Variants in PRKG2 observed in about 807,000 individuals in gnomAD.
The protein encoded by PRKG2 is protein kinase cGMP-dependent 2, also known as cGMP-dependent protein kinase 2.
Under a neutral mutation model 97.2 loss-of-function variants are expected in PRKG2, and 33 were observed. The ratio of observed to expected loss-of-function variants is 0.34; its 90% CI spans 0.26 to 0.45. The LOEUF is 0.45. Among genes scored for constraint, PRKG2 ranks in the 20% least tolerant of loss-of-function variants. The probability of loss-of-function intolerance (pLI) is 1.00; values close to 1 mark genes in which losing one functional copy is unlikely to be tolerated. For missense variants in PRKG2, 638 were observed against 900.0 expected, an observed-to-expected ratio of 0.71 and a Z score of 3.73; for synonymous variants, 330 against 321.8, an observed-to-expected ratio of 1.03 and a Z score of -0.27.
At chr4:81,190,255 G>A (rs1015840182) in intron 2 of PRKG2, among the ~76,000 whole-genome samples, 1 of 152,084 alleles carries the variant, frequency 6.6e-6, no homozygotes, top group South Asian at 2.1e-4. Flanking sequence ...ACAGAACAGA[G>A]GCCTCAGAAA....
intron 17 of PRKG2, among the ~76,000 whole-genome samples, chr4:81,101,788 A>C (rs1264500237): frequency 6.6e-6 from 1 of 152,040 alleles, no homozygotes; most frequent in Non-Finnish European, 1.5e-5. Flanking sequence ...TTCTCTAAGA[A>C]AAAAAAAGTT....
Position 81,167,092 on chromosome 4 carries a change from G to A in PRKG2, c.912+69C>T. 4.8e-6 allele frequency: 5 copies of A among 1,044,756 alleles called. No homozygotes were observed. In the South Asian group the frequency reaches 6.3e-5, roughly 13 times the overall value. 64.7% of individuals were successfully genotyped at this position (1,044,756 alleles called of 1,614,324 possible). A position where few individuals can be genotyped will look rare whatever the true frequency, so the allele number is the denominator to read the frequency against. On this transcript the variant is annotated intron_variant, in intron 6 of 18. Transcript: ENST00000264399. ...CTCTGACATCTTTTTATTTATTTAT[G>A]GTGTTAATAATATAAGTACATTCTA...
rs531382200 is a variant in PRKG2, at chr4:81,201,627, A to G, written c.461+2960T>C. On this transcript the variant is annotated intron_variant, in intron 2 of 18. Transcript: ENST00000264399. ...AAGAGGCTCACTCACCACTTATGATATATCTAAGCACAGGTACCTTAGCAA... is the reference window on the plus strand; with the variant it reads ...AAGAGGCTCACTCACCACTTATGATGTATCTAAGCACAGGTACCTTAGCAA... Among the ~76,000 whole-genome samples the G allele has an allele frequency of 2.0e-5, 3 of 152,326 alleles. No homozygotes were observed. The East Asian group carries it at 5.8e-4, about 29-fold the overall frequency.
At chr4:81,120,661 TGTAA>T (rs1013042274) in intron 14 of PRKG2, among the ~76,000 whole-genome samples, 1 of 152,250 alleles carries the variant, frequency 6.6e-6, no homozygotes, top group Non-Finnish European at 1.5e-5. Flanking sequence ...GCAACCTTGC[TGTAA>T]GTGCTTTTTA....
chr4:81,092,345 C>T (rs1328095834), intron 18 of PRKG2, 41 bp downstream of exon 18: 1 of 1,347,704 alleles, frequency 7.4e-7, no homozygotes, highest in Non-Finnish European at 1.0e-6. Context: ...AAAACAAATC[C>T]CTGGGAAAAA....
chr4:81,170,685 C>G (rs1319802442), intron 4 of PRKG2, among the ~76,000 whole-genome samples: 1 of 151,524 alleles, frequency 6.6e-6, no homozygotes, highest in African/African-American at 2.4e-5. Context: ...CAGAAGGAAA[C>G]CCAAGATTGC....
chr4:81,114,751 C>T lies in PRKG2; in HGVS notation c.1777-4140G>A, dbSNP rs534902947. Among the ~76,000 whole-genome samples, 6 of 152,266 alleles carry T rather than the reference C, an allele frequency of 3.9e-5. 1 individual carries two copies. In the South Asian group the frequency reaches 1.2e-3, roughly 32 times the overall value. On this transcript the variant is annotated intron_variant, in intron 14 of 18. Coordinates refer to ENST00000264399, the MANE Select transcript of PRKG2 (RefSeq NM_006259.3). ...ACCAACACAGAAGCCTTCTGTCTTCCTCCCACAGTGCCCTCTTGCTCACTG... is the reference window on the plus strand; with the variant it reads ...ACCAACACAGAAGCCTTCTGTCTTCTTCCCACAGTGCCCTCTTGCTCACTG...
chr4:81,087,631 T>C lies in PRKG2; in HGVS notation c.*2077A>G, dbSNP rs1741226589. Reference sequence around the variant, plus strand: ...ACAAACCTCTAAGTAAATATTACTTTACTCTGCCTTTTTCTATGAATGAGA... The same window carrying C: ...ACAAACCTCTAAGTAAATATTACTTCACTCTGCCTTTTTCTATGAATGAGA... On this transcript the variant is annotated 3_prime_UTR_variant, in exon 19 of 19. Coordinates refer to ENST00000264399, the MANE Select transcript of PRKG2 (RefSeq NM_006259.3). 6.6e-6 allele frequency: 1 copy of C among 152,260 alleles called. No homozygotes were observed. Among genetic ancestry groups the C allele is most frequent in the East Asian group, 1.9e-4 (1 of 5,180 alleles). 9.4% of individuals were successfully genotyped at this position (152,260 alleles called of 1,614,324 possible). A position where few individuals can be genotyped will look rare whatever the true frequency, so the allele number is the denominator to read the frequency against.
intron 17 of PRKG2, among the ~76,000 whole-genome samples, chr4:81,092,782 T>C (rs1212378607): frequency 1.3e-5 from 2 of 152,174 alleles, no homozygotes; most frequent in Non-Finnish European, 2.9e-5. Context: ...ATTCTTCCAG[T>C]TGCTCAAACC....
chr4:81,184,690 C>T (rs368691053), intron 2 of PRKG2, among the ~76,000 whole-genome samples: 1 of 152,056 alleles, frequency 6.6e-6, no homozygotes, highest in South Asian at 2.1e-4. Context: ...TAACAAAATC[C>T]TCTGAGATAA....
intron 15 of PRKG2, among the ~76,000 whole-genome samples, chr4:81,109,339 G>A (rs912763338): frequency 6.6e-6 from 1 of 152,160 alleles, no homozygotes; most frequent in African/African-American, 2.4e-5. Context: ...ACTCGTTCTA[G>A]TATTTCTTAA....
chr4:81,101,176 G>C (rs1742718249), intron 17 of PRKG2, among the ~76,000 whole-genome samples: 1 of 151,744 alleles, frequency 6.6e-6, no homozygotes, highest in African/African-American at 2.4e-5. Context: ...CAGGGATCTA[G>C]AACTAGAAAT....
At position 81,174,830 on chromosome 4, in the gene PRKG2, C is replaced by T. The variant is rs150237855; in HGVS notation, c.591G>A (p.Lys197=). 1.3e-5 allele frequency: 21 copies of T among 1,612,924 alleles called. No homozygotes were observed. Among genetic ancestry groups the T allele is most frequent in the Non-Finnish European group, 1.7e-6 (2 of 1,179,376 alleles). The change falls in exon 3 of 19, where the codon AAG becomes AAA. Residue 197 remains lysine (K), a synonymous_variant. Transcript: ENST00000264399. ...RNYQQGSYII[K]QGEPGNHIFV... Reference sequence around the variant, plus strand: ...AGATATGGTTTCCTGGTTCTCCTTGCTTAATAATGTAACTCCCTTGCTGAT... The same window carrying T: ...AGATATGGTTTCCTGGTTCTCCTTGTTTAATAATGTAACTCCCTTGCTGAT...
At chr4:81,182,609 C>G (rs907726125) in intron 2 of PRKG2, among the ~76,000 whole-genome samples, 1 of 151,942 alleles carries the variant, frequency 6.6e-6, no homozygotes, top group African/African-American at 2.4e-5. Flanking sequence ...AAAAAGTAAA[C>G]TGTATTCTTT....
In PRKG2 at chr4:81,092,462, G is replaced by GGGAAAGGAAGGA; in HGVS notation, c.2127-11_2127-10insTCCTTCCTTTCC. 9.4e-7 allele frequency: 1 copy of GGGAAAGGAAGGA among 1,063,792 alleles called. No homozygotes were observed. The highest frequency in any genetic ancestry group is 1.7e-5 in the South Asian group (1 of 59,568). 65.9% of individuals were successfully genotyped at this position (1,063,792 alleles called of 1,614,324 possible). On this transcript the variant is annotated splice_polypyrimidine_tract_variant and intron_variant, in intron 17 of 18. Transcript: ENST00000264399. ...AAAACCATTTAACCACCTGAGAAAT[G>GGGAAAGGAAGGA]AGAAAGGAAGGAAGGAAGGAAGGAA...
At chr4:81,116,958 G>A (rs898480170) in intron 14 of PRKG2, among the ~76,000 whole-genome samples, 1 of 130,002 alleles carries the variant, frequency 7.7e-6, no homozygotes, top group Non-Finnish European at 1.7e-5. Flanking sequence ...TCTCCCATCT[G>A]TAGGTTATCT....
At chr4:81,191,604 A>G (rs972704601) in intron 2 of PRKG2, among the ~76,000 whole-genome samples, 4 of 152,172 alleles carry the variant, frequency 2.6e-5, no homozygotes, top group Non-Finnish European at 5.9e-5. Context: ...AAAATAAAAA[A>G]AGAATTCTGG....
upstream of PRKG2, among the ~76,000 whole-genome samples, chr4:81,217,199 T>A (rs1754311770): frequency 6.6e-6 from 1 of 151,796 alleles, no homozygotes; most frequent in Non-Finnish European, 1.5e-5. Context: ...AAACAATGGG[T>A]TGCTAATTAA....
upstream of PRKG2, among the ~76,000 whole-genome samples, chr4:81,217,053 A>ATG (rs1289899788): frequency 4.5e-5 from 6 of 133,564 alleles, no homozygotes; most frequent in South Asian, 2.2e-4. Context: ...ATATATATAT[A>ATG]TGTGTATATA....
Sources: allele counts gnomAD v4.1 joint callset (sites outside exome capture counted in the v4.1 genomes callset), GRCh38; gene constraint gnomAD v4.1.1; transcripts MANE v1.5; gene names NCBI Gene and HGNC (gene_info 2026-07-23, HGNC 2026-07-21).